The following ARSG variants were observed in gnomAD, a reference collection of about 807,000 sequenced individuals.
ARSG encodes arylsulfatase G.
A neutral mutation model predicts 50.5 loss-of-function variants in ARSG; 37 were observed. That is an observed-to-expected ratio of 0.73 (90% CI 0.56 to 0.96). The LOEUF (loss-of-function observed/expected upper bound fraction) is 0.96, where lower values mean the gene tolerates loss of function less well. Among genes scored for constraint, ARSG ranks in the 50% least tolerant of loss-of-function variants. The pLI, the probability that ARSG is intolerant of heterozygous loss-of-function variation, is 0.00. For synonymous variants in ARSG, 225 were observed against 254.6 expected, an observed-to-expected ratio of 0.88 and a Z score of 1.11; for missense variants, 629 against 675.3, an observed-to-expected ratio of 0.93 and a Z score of 0.76.
the ARSG span, chr17:68,428,962 G>A: frequency 1.0e-5 from 16 of 1,573,222 alleles, no homozygotes; most frequent in South Asian, 2.2e-5. Flanking sequence ...AACATAAACC[G>A]TGATGACAAC....
intron 9 of ARSG, 72 bp from the exon 10 acceptor site, chr17:68,395,001 G>C (rs1384997084): frequency 1.9e-6 from 3 of 1,591,650 alleles, no homozygotes; most frequent in Non-Finnish European, 1.7e-6. Context: ...TGGTTCAGGT[G>C]GGGGTTGACA....
Position 68,273,432 on chromosome 17 carries a change from G to T in ARSG, c.-552+14006G>T, listed in dbSNP as rs573367006. 2.0e-5 allele frequency among the ~76,000 whole-genome samples: 3 copies of T among 152,160 alleles called. No individual in the cohort carries two copies. In the South Asian group the frequency reaches 6.2e-4, roughly 32 times the overall value. ...GATGGAGTCTCCCTATGTTGCCCCA[G>T]TTGGTCTCAAACTGCTGGGCTCACG... is the stretch of plus-strand genomic sequence containing the variant. On this transcript the variant is annotated intron_variant, in intron 1 of 11. Coordinates refer to the ARSG transcript ENST00000448504.
chr17:68,382,651 A>C (rs993475070), intron 8 of ARSG, among the ~76,000 whole-genome samples: 1 of 152,220 alleles, frequency 6.6e-6, no homozygotes, highest in Non-Finnish European at 1.5e-5. Flanking sequence ...GGCCGATAGA[A>C]TGCCAGTCAG....
chr17:68,349,321 G>T (rs777656980), intron 4 of ARSG, among the ~76,000 whole-genome samples: 5 of 152,056 alleles, frequency 3.3e-5, no homozygotes, highest in Non-Finnish European at 7.4e-5. Context: ...AAAGAAAACA[G>T]CCAATATGTA....
Position 68,420,545 on chromosome 17 carries a change from A to C in ARSG, c.*82A>C. ...CAAATTTCATTTTTACCCTCTTTAC[A>C]AACACACGCTTTAGTTTAGTCTTGG... On this transcript the variant is annotated 3_prime_UTR_variant, in exon 12 of 12. Coordinates refer to ENST00000621439, the MANE Select transcript of ARSG (RefSeq NM_001267727.2). The C allele has an allele frequency of 4.1e-6, 6 of 1,460,602 alleles. No homozygotes were observed. Among genetic ancestry groups the C allele is most frequent in the Admixed American group, 1.8e-5 (1 of 55,192 alleles). The allele number at this position is 1,460,602 out of a possible 1,614,324, so 90.5% of individuals were successfully genotyped here.
At chr17:68,308,522 T>C (rs1437110706) in intron 2 of ARSG, among the ~76,000 whole-genome samples, 1 of 152,146 alleles carries the variant, frequency 6.6e-6, no homozygotes, top group Non-Finnish European at 1.5e-5. Context: ...TGGTGAGTGT[T>C]ACAGCTCATA....
At chr17:68,278,792 G>A (rs1252650482) in intron 1 of ARSG, among the ~76,000 whole-genome samples, 2 of 151,752 alleles carry the variant, frequency 1.3e-5, no homozygotes, top group East Asian at 3.9e-4. Context: ...GCTAATTTTT[G>A]TATTTTTAGT....
intron 2 of ARSG, among the ~76,000 whole-genome samples, chr17:68,311,796 T>A (rs1555766835): frequency 7.3e-6 from 1 of 137,784 alleles, no homozygotes; most frequent in Admixed American, 7.9e-5. Context: ...CCTCCTGTAC[T>A]GTACTTTTTT....
chr17:68,280,838 G>A (rs2075671242), intron 1 of ARSG, among the ~76,000 whole-genome samples: 1 of 152,158 alleles, frequency 6.6e-6, no homozygotes, highest in African/African-American at 2.4e-5. Flanking sequence ...CATATCAACA[G>A]AGTGAGGCCA....
intron 1 of ARSG, among the ~76,000 whole-genome samples, chr17:68,291,934 CCCG>C (rs2076013893): frequency 6.6e-6 from 1 of 151,918 alleles, no homozygotes; most frequent in Admixed American, 6.6e-5. Context: ...CGGCTTCGCG[CCCG>C]CCCCGGGCAG....
chr17:68,397,379 C>T (rs1009255317), intron 10 of ARSG, among the ~76,000 whole-genome samples: 10 of 152,148 alleles, frequency 6.6e-5, no homozygotes, highest in East Asian at 3.9e-4. Flanking sequence ...TAAGAGCACA[C>T]GGGGCTGGCA....
At chr17:68,316,896 C>A (rs2077089299) in intron 2 of ARSG, among the ~76,000 whole-genome samples, 1 of 152,096 alleles carries the variant, frequency 6.6e-6, no homozygotes, top group Admixed American at 6.6e-5. Flanking sequence ...AGACTCTCAC[C>A]CTTCCCCAGG....
At chr17:68,400,816 A>T (rs1230036339) in intron 10 of ARSG, among the ~76,000 whole-genome samples, 1 of 152,198 alleles carries the variant, frequency 6.6e-6, no homozygotes, top group Non-Finnish European at 1.5e-5. Context: ...CTACCTAGTG[A>T]GACCTTTTGC....
At chr17:68,292,127 C>T (rs1555756447) in intron 1 of ARSG, among the ~76,000 whole-genome samples, 1 of 152,082 alleles carries the variant, frequency 6.6e-6, no homozygotes, top group Non-Finnish European at 1.5e-5. Flanking sequence ...GGGTGCCTTG[C>T]TTCCCCCACT....
intron 1 of ARSG, among the ~76,000 whole-genome samples, chr17:68,297,870 G>A (rs544058065): frequency 9.2e-5 from 14 of 152,036 alleles, no homozygotes; most frequent in Non-Finnish European, 1.8e-4. Flanking sequence ...TCAAGAGATG[G>A]ACTAACAGTA....
intron 11 of ARSG, among the ~76,000 whole-genome samples, chr17:68,412,826 A>G (rs2082090104): frequency 6.6e-6 from 1 of 151,724 alleles, no homozygotes. Flanking sequence ...ATTTCTTTTT[A>G]TTCTTTTTTC....
intron 11 of ARSG, among the ~76,000 whole-genome samples, chr17:68,411,546 A>T (rs1261656663): frequency 2.6e-5 from 4 of 151,742 alleles, no homozygotes; most frequent in Admixed American, 2.6e-4. Flanking sequence ...ACTTCCAAGT[A>T]TGTGGTCTAT....
At chr17:68,368,451 C>A in intron 6 of ARSG, 97 bp from the exon 7 acceptor site, 2 of 1,165,012 alleles carry the variant, frequency 1.7e-6, no homozygotes, top group Non-Finnish European at 2.5e-6. Context: ...GCAGAAGGAG[C>A]TTTGGGGATT....
At chr17:68,275,333 G>A (rs2075479391) in intron 1 of ARSG, among the ~76,000 whole-genome samples, 1 of 151,956 alleles carries the variant, frequency 6.6e-6, no homozygotes, top group African/African-American at 2.4e-5. Flanking sequence ...AAAGGAAGTG[G>A]GAAAAAAAGG....
Sources: allele counts gnomAD v4.1 joint callset (sites outside exome capture counted in the v4.1 genomes callset), GRCh38; gene constraint gnomAD v4.1.1; transcripts MANE v1.5; gene names NCBI Gene and HGNC (gene_info 2026-07-23, HGNC 2026-07-21).